The following OSBPL6 variants were observed in gnomAD, a reference collection of about 807,000 sequenced individuals.
OSBPL6 encodes the protein oxysterol-binding protein-related protein 6.
A neutral mutation model predicts 125.8 loss-of-function variants in OSBPL6; 49 were observed. That is an observed-to-expected ratio of 0.39 (90% CI 0.31 to 0.49). The LOEUF (loss-of-function observed/expected upper bound fraction) is 0.49. OSBPL6 is among the 20% of genes least tolerant of loss of function. The pLI, the probability that OSBPL6 is intolerant of heterozygous loss-of-function variation, is 0.88. For missense variants in OSBPL6, 986 were observed against 1,135.4 expected (o/e 0.87, Z 1.89); for synonymous variants, 394 against 391.8 (o/e 1.01, Z -0.07).
At chr2:178,361,527 T>C (rs1471102075) in intron 12 of OSBPL6, among the ~76,000 whole-genome samples, 155 bp from the exon 13 acceptor site, 1 of 152,234 alleles carries the variant, frequency 6.6e-6, no homozygotes, top group African/African-American at 2.4e-5. Context: ...GATATCCTGA[T>C]AAAGATTCCT....
intron 1 of OSBPL6, among the ~76,000 whole-genome samples, chr2:178,223,445 G>A (rs959583737): frequency 6.6e-6 from 1 of 152,160 alleles, no homozygotes; most frequent in Non-Finnish European, 1.5e-5. Context: ...TTCAAATCTT[G>A]ATTGAGATTT....
chr2:178,271,024 T>G (rs1309693972), intron 1 of OSBPL6, among the ~76,000 whole-genome samples: 1 of 152,138 alleles, frequency 6.6e-6, no homozygotes, highest in African/African-American at 2.4e-5. Context: ...CATGTTATCT[T>G]TACACAGTAC....
rs1166160655 is a variant in OSBPL6, at chr2:178,204,025, CT to C, written c.-351+9369del. On this transcript the variant is annotated intron_variant, in intron 1 of 24. Transcript: ENST00000190611. The stretch of plus-strand genomic sequence containing the variant: ...ACTGAATTCTTTTCTTTTTCTTTTT[CT>C]TTTTTTTTTTTTTTTTTGAGACAAT... Among the ~76,000 whole-genome samples the C allele has an allele frequency of 2.5e-3, 317 of 128,984 alleles. 1 individual carries two copies. Among genetic ancestry groups the C allele is most frequent in the African/African-American group, 5.5e-3 (187 of 33,988 alleles). The allele number at this position is 128,984 out of a possible 152,430, so 84.6% of individuals were successfully genotyped here.
chr2:178,254,050 C>T (rs2091793682), intron 1 of OSBPL6, among the ~76,000 whole-genome samples: 1 of 152,178 alleles, frequency 6.6e-6, no homozygotes, highest in African/African-American at 2.4e-5. Context: ...AAGGCCCTCA[C>T]CAGATGCAGC....
At chr2:178,199,882 C>T (rs1277371955) in intron 1 of OSBPL6, among the ~76,000 whole-genome samples, 1 of 152,102 alleles carries the variant, frequency 6.6e-6, no homozygotes, top group African/African-American at 2.4e-5. Context: ...TCCCTTTAAA[C>T]TTTGAAGGAA....
chr2:178,354,637 T>C (rs980711560), intron 12 of OSBPL6, among the ~76,000 whole-genome samples: 1 of 152,090 alleles, frequency 6.6e-6, no homozygotes, highest in Admixed American at 6.5e-5. Context: ...ACAATAATAA[T>C]GGGAGACTTA....
intron 1 of OSBPL6, among the ~76,000 whole-genome samples, chr2:178,207,649 A>C (rs1386150247): frequency 6.6e-6 from 1 of 152,182 alleles, no homozygotes; most frequent in Non-Finnish European, 1.5e-5. Flanking sequence ...GAACATCTGC[A>C]TGCCATGAGT....
intron 3 of OSBPL6, among the ~76,000 whole-genome samples, chr2:178,319,381 T>C (rs919904781): frequency 2.0e-5 from 3 of 152,250 alleles, no homozygotes; most frequent in Non-Finnish European, 4.4e-5. Context: ...CCACAGAAGA[T>C]TGTGGTAAAG....
At chr2:178,227,166 T>A (rs967407980) in intron 1 of OSBPL6, among the ~76,000 whole-genome samples, 4 of 152,170 alleles carry the variant, frequency 2.6e-5, no homozygotes, top group African/African-American at 9.7e-5. Flanking sequence ...ATTTTACAGT[T>A]ACAAAAAAGG....
rs1369346109 is a variant in OSBPL6, at chr2:178,339,685, A to G, written c.908A>G (p.Asp303Gly). The change falls in exon 11 of 25, where the codon GAT (aspartate) becomes GGT (glycine). Residue 303 changes from aspartate (D) to glycine (G), a missense_variant. Coordinates refer to ENST00000190611, the MANE Select transcript of OSBPL6 (RefSeq NM_032523.4). ...NFTDMQANCV[D>G]ISKKDKRVTR... ...TGTGTAATGTAGGCTAACTGTGTAG[A>G]TATTTCAAAGAAAGACAAGCGGGTC... 4.4e-6 allele frequency: 7 copies of G among 1,605,310 alleles called. No homozygotes were observed. The highest frequency in any genetic ancestry group is 5.9e-6 in the Non-Finnish European group (7 of 1,176,534).
intron 1 of OSBPL6, among the ~76,000 whole-genome samples, chr2:178,268,575 T>C (rs1023123641): frequency 3.9e-5 from 6 of 152,230 alleles, no homozygotes; most frequent in African/African-American, 1.4e-4. Flanking sequence ...TTCTGATTGC[T>C]GTCACCACAC....
chr2:178,332,967 A>G lies in OSBPL6; in HGVS notation c.583A>G (p.Ser195Gly). Residue 195 changes from serine to glycine, a missense_variant, in exon 8 of 25, where the codon AGT becomes GGT. Physicochemically the swap from Ser to Gly is moderately conservative, Grantham distance 56 (BLOSUM62 0). Around this residue, in one of 3 missense-constraint regions of OSBPL6, gnomAD observed 843 missense variants for 997.3 expected, o/e 0.85. Transcript: ENST00000190611. ...AATTGTGAGATCACCAAGAGATGCT[A>G]GTTTTCACATATTTCCTTCAACGTC... ...NEIVRSPRDA[S>G]FHIFPSTSTA... 6.2e-7 allele frequency: 1 copy of G among 1,614,170 alleles called. No homozygotes were observed. The highest frequency in any genetic ancestry group is 8.5e-7 in the Non-Finnish European group (1 of 1,179,998).
At chr2:178,319,626 G>A (rs1688063156) in intron 3 of OSBPL6, among the ~76,000 whole-genome samples, 1 of 152,154 alleles carries the variant, frequency 6.6e-6, no homozygotes, top group Non-Finnish European at 1.5e-5. Flanking sequence ...TGTGAAGATG[G>A]AATGCAATAA....
intron 15 of OSBPL6, among the ~76,000 whole-genome samples, chr2:178,380,641 G>A (rs1433393885): frequency 6.6e-6 from 1 of 151,926 alleles, no homozygotes; most frequent in Non-Finnish European, 1.5e-5. Context: ...TGGAACTAAA[G>A]CCTCAAAGTG....
chr2:178,288,922 T>A (rs968682041), intron 2 of OSBPL6, among the ~76,000 whole-genome samples: 1 of 151,938 alleles, frequency 6.6e-6, no homozygotes, highest in Non-Finnish European at 1.5e-5. Flanking sequence ...AGTGCTGGGA[T>A]TACAGGTGTG....
chr2:178,318,717 G>A (rs77201125), intron 3 of OSBPL6, among the ~76,000 whole-genome samples: 6 of 152,178 alleles, frequency 3.9e-5, no homozygotes, highest in African/African-American at 1.4e-4. Flanking sequence ...TGATCATGAG[G>A]TGATGCTGAC....
At chr2:178,309,198 C>A (rs1318572052) in intron 3 of OSBPL6, among the ~76,000 whole-genome samples, 1 of 152,150 alleles carries the variant, frequency 6.6e-6, no homozygotes, top group South Asian at 2.1e-4. Flanking sequence ...CCACTTTACC[C>A]TCTCCTTCCT....
intron 23 of OSBPL6, 39 bp from the exon 24 acceptor site, chr2:178,394,274 G>T: frequency 6.3e-7 from 1 of 1,592,038 alleles, no homozygotes; most frequent in South Asian, 1.2e-5. Flanking sequence ...CCCCAGAAAA[G>T]AGGATAATAT....
intron 1 of OSBPL6, among the ~76,000 whole-genome samples, chr2:178,204,124 A>G (rs1265222614): frequency 1.3e-5 from 2 of 150,938 alleles, no homozygotes; most frequent in Non-Finnish European, 2.9e-5. Context: ...GCTGGGTTCA[A>G]GCGTTTCTCA....
Sources: allele counts gnomAD v4.1 joint callset (sites outside exome capture counted in the v4.1 genomes callset), GRCh38; gene constraint gnomAD v4.1.1; regional missense constraint gnomAD v4.1.1; transcripts MANE v1.5; gene names NCBI Gene and HGNC (gene_info 2026-07-23, HGNC 2026-07-21).